Variants in GC observed in about 807,000 individuals in gnomAD.
GC encodes the protein vitamin D-binding protein.
GC carries 43 observed loss-of-function variants against 56.7 expected under a neutral mutation model. The observed-to-expected ratio is 0.76, with a 90% CI of 0.59 to 0.98. The LOEUF is 0.98. GC is among the 50% of genes least tolerant of loss of function. GC has a pLI of 0.00. For missense variants in GC, 529 were observed against 545.9 expected (o/e 0.97, Z 0.31); for synonymous variants, 216 against 202.7 (o/e 1.07, Z -0.56).
intron 1 of GC, among the ~76,000 whole-genome samples, chr4:71,777,837 G>A (rs916169684): frequency 1.3e-5 from 2 of 151,302 alleles, no homozygotes; most frequent in African/African-American, 2.4e-5. Flanking sequence ...GTCGAACAGT[G>A]AGAACACATG....
Position 71,803,694 on chromosome 4 carries a change from T to C in GC, c.21+232A>G, listed in dbSNP as rs1246097099. ...CTCATCGCTCTCAACATACTCTGTC[T>C]TTTGGAAATATGAATGGATATAGAT... is the stretch of plus-strand genomic sequence containing the variant. On this transcript the variant is annotated intron_variant, in intron 1 of 13. Coordinates refer to the GC transcript ENST00000504199. Among the ~76,000 whole-genome samples, 4 of 152,226 alleles carry C rather than the reference T, an allele frequency of 2.6e-5. No individual in the cohort carries two copies. In the East Asian group the frequency reaches 7.7e-4, roughly 29 times the overall value.
chr4:71,764,841 T>A (rs534701656), intron 4 of GC, among the ~76,000 whole-genome samples: 1 of 152,268 alleles, frequency 6.6e-6, no homozygotes, highest in African/African-American at 2.4e-5. Context: ...AAATGTATTT[T>A]CCCCCAGTTT....
At chr4:71,783,638 C>T (rs1393302333) in intron 1 of GC, among the ~76,000 whole-genome samples, 1 of 151,690 alleles carries the variant, frequency 6.6e-6, no homozygotes, top group African/African-American at 2.4e-5. Flanking sequence ...TTTGCATTAT[C>T]TTGTAACAAT....
At chr4:71,755,138 TA>T in intron 8 of GC, 31 bp from the exon 9 acceptor site, 1 of 902,002 alleles carries the variant, frequency 1.1e-6, no homozygotes, top group Non-Finnish European at 1.6e-6. Flanking sequence ...AGATATGTGT[TA>T]TATATTTCCT....
At chr4:71,777,661 A>C (rs1001152692) in intron 1 of GC, among the ~76,000 whole-genome samples, 2 of 150,802 alleles carry the variant, frequency 1.3e-5, no homozygotes, top group Non-Finnish European at 3.0e-5. Context: ...ATTACCTAAC[A>C]TTTGCAGCAG....
chr4:71,787,049 A>T (rs571903202), upstream of GC, among the ~76,000 whole-genome samples: 2 of 151,898 alleles, frequency 1.3e-5, no homozygotes, highest in Non-Finnish European at 2.9e-5. Context: ...ATTGACTTCC[A>T]TGAGAAATTC....
chr4:71,762,792 C>T (rs1742025271), intron 6 of GC, among the ~76,000 whole-genome samples: 1 of 152,164 alleles, frequency 6.6e-6, no homozygotes, highest in Admixed American at 6.6e-5. Flanking sequence ...ATGTGACTTG[C>T]TCCTCCTTGC....
intron 1 of GC, among the ~76,000 whole-genome samples, chr4:71,794,424 A>G (rs1410634923): frequency 1.3e-5 from 2 of 151,992 alleles, no homozygotes; most frequent in Non-Finnish European, 2.9e-5. Context: ...TTTCTTCTAT[A>G]TTTTCTAGTT....
At chr4:71,746,592 T>C (rs995424623) in intron 11 of GC, among the ~76,000 whole-genome samples, 2 of 151,754 alleles carry the variant, frequency 1.3e-5, no homozygotes, top group Non-Finnish European at 2.9e-5. Flanking sequence ...ACGGCAAGCC[T>C]GATGAGAAAT....
chr4:71,765,694 T>G, intron 3 of GC, 51 bp from the exon 4 acceptor site: 1 of 1,106,262 alleles, frequency 9.0e-7, no homozygotes, highest in Non-Finnish European at 1.4e-6. Flanking sequence ...ATTTCCAGGC[T>G]TTTAGACTTC....
At chr4:71,757,627 T>C (rs992596817) in intron 7 of GC, among the ~76,000 whole-genome samples, 28 of 152,130 alleles carry the variant, frequency 1.8e-4, no homozygotes, top group African/African-American at 6.8e-4. Context: ...ATTTGCACTA[T>C]CCAATACCAT....
chr4:71,791,364 A>AT (rs1481543320), intron 1 of GC, among the ~76,000 whole-genome samples: 3 of 151,500 alleles, frequency 2.0e-5, no homozygotes, highest in Non-Finnish European at 4.4e-5. Context: ...TGTGGGTAGT[A>AT]TTTTTTTTCC....
intron 5 of GC, 49 bp from the exon 6 acceptor site, chr4:71,763,551 T>C: frequency 8.7e-7 from 1 of 1,143,208 alleles, no homozygotes; most frequent in Admixed American, 1.9e-5. Context: ...ACTCATTGAA[T>C]ACTGTATAAA....
At position 71,793,228 on chromosome 4, in the gene GC, T is replaced by C. The variant is rs955513958; in HGVS notation, c.22-9174A>G. On this transcript the variant is annotated intron_variant, in intron 1 of 13. Transcript: ENST00000504199. ...CATTGGTAGCTTGATGTGGTTGGCATTGAATCTATAAATTACCTTGGGCAG... is the reference window on the plus strand; with the variant it reads ...CATTGGTAGCTTGATGTGGTTGGCACTGAATCTATAAATTACCTTGGGCAG... Among the ~76,000 whole-genome samples the C allele has an allele frequency of 3.0e-4, 46 of 152,352 alleles. 1 individual carries two copies. The highest frequency in any genetic ancestry group is 1.1e-3 in the African/African-American group (45 of 41,596).
chr4:71,764,087 T>A, intron 4 of GC, 151 bp from the exon 5 acceptor site: 2 of 606,292 alleles, frequency 3.3e-6, no homozygotes, highest in Non-Finnish European at 5.8e-6. Context: ...CCTCAAGCGA[T>A]CCTCCTGCTT....
intron 12 of GC, 34 bp downstream of exon 12, chr4:71,746,117 A>T: frequency 2.5e-6 from 2 of 790,304 alleles, no homozygotes; most frequent in Non-Finnish European, 4.5e-6. Context: ...ACAATGCTGG[A>T]TCCGTTGGTC....
At chr4:71,801,201 A>G (rs1015388572) in intron 1 of GC, among the ~76,000 whole-genome samples, 7 of 152,234 alleles carry the variant, frequency 4.6e-5, no homozygotes, top group Non-Finnish European at 7.3e-5. Context: ...GGGAAGATAC[A>G]CAAATCCAAT....
rs557022603 is a variant in GC at position 71,754,311 on chromosome 4, A to G, written c.1262+100T>C. 1.2e-4 allele frequency: 75 copies of G among 642,794 alleles called. No homozygotes were observed. In the East Asian group the frequency reaches 2.0e-3, roughly 17 times the overall value. The allele number at this position is 642,794 out of a possible 1,614,324, so 39.8% of individuals were successfully genotyped here. On this transcript the variant is annotated intron_variant, in intron 10 of 12. Coordinates refer to ENST00000273951, the MANE Select transcript of GC (RefSeq NM_000583.4). ...ATTGAACCTCCTTTTGTTGTTGTTCACTGAAGACAAGCTTAAGTGTTCAAC... is the reference window on the plus strand; with the variant it reads ...ATTGAACCTCCTTTTGTTGTTGTTCGCTGAAGACAAGCTTAAGTGTTCAAC...
intron 1 of GC, among the ~76,000 whole-genome samples, chr4:71,797,040 C>G (rs1044141988): frequency 6.6e-6 from 1 of 152,312 alleles, no homozygotes; most frequent in East Asian, 1.9e-4. Flanking sequence ...ATATTGCTGC[C>G]TGATCCTTCC....
Sources: allele counts gnomAD v4.1 joint callset (sites outside exome capture counted in the v4.1 genomes callset), GRCh38; gene constraint gnomAD v4.1.1; transcripts MANE v1.5; gene names NCBI Gene and HGNC (gene_info 2026-07-23, HGNC 2026-07-21).